Variants in ARHGAP24 observed in about 807,000 individuals in gnomAD.
ARHGAP24 encodes the protein rho GTPase-activating protein 24.
ARHGAP24 carries 50 observed loss-of-function variants against 76.4 expected under a neutral mutation model. The ratio of observed to expected loss-of-function variants is 0.65; its 90% CI spans 0.52 to 0.83. The LOEUF (loss-of-function observed/expected upper bound fraction) is 0.83. Among genes scored for constraint, ARHGAP24 ranks in the 40% least tolerant of loss-of-function variants. ARHGAP24 has a pLI of 0.00. For synonymous variants in ARHGAP24, 345 were observed against 323.3 expected (o/e 1.07, Z -0.72); for missense variants, 930 against 914.2 (o/e 1.02, Z -0.22).
intron 2 of ARHGAP24, among the ~76,000 whole-genome samples, chr4:85,691,166 CT>C (rs1240093546): frequency 1.3e-5 from 2 of 151,788 alleles, no homozygotes; most frequent in African/African-American, 4.8e-5. Flanking sequence ...CAGATATCTT[CT>C]TGATTTTGAT....
intron 3 of ARHGAP24, among the ~76,000 whole-genome samples, chr4:85,840,625 A>G (rs1456538921): frequency 6.6e-6 from 1 of 152,140 alleles, no homozygotes; most frequent in Non-Finnish European, 1.5e-5. Flanking sequence ...TTGGTTCTGT[A>G]TTTTAAAGGG....
At chr4:85,528,133 T>A (rs1401325085) in intron 1 of ARHGAP24, among the ~76,000 whole-genome samples, 1 of 151,692 alleles carries the variant, frequency 6.6e-6, no homozygotes, top group Non-Finnish European at 1.5e-5. Context: ...AGGACTGAAA[T>A]AGAAAGGGAA....
chr4:85,610,470 A>G (rs1323734655), intron 2 of ARHGAP24, among the ~76,000 whole-genome samples: 3 of 150,042 alleles, frequency 2.0e-5, no homozygotes, highest in Non-Finnish European at 3.0e-5. Context: ...AAAAAAAAAA[A>G]AAAAAAAAAA....
At chr4:85,816,998 T>G (rs1337107760) in intron 3 of ARHGAP24, among the ~76,000 whole-genome samples, 2 of 152,226 alleles carry the variant, frequency 1.3e-5, no homozygotes, top group Non-Finnish European at 2.9e-5. Context: ...TGGTTTTGAT[T>G]TACATTTCTT....
chr4:85,833,335 G>A (rs1487938294), intron 3 of ARHGAP24, among the ~76,000 whole-genome samples: 1 of 152,186 alleles, frequency 6.6e-6, no homozygotes, highest in Non-Finnish European at 1.5e-5. Context: ...TTGGTGGGGA[G>A]GAGACAGCTT....
chr4:85,634,882 TCA>T (rs1372898680), intron 2 of ARHGAP24, among the ~76,000 whole-genome samples: 1 of 151,806 alleles, frequency 6.6e-6, no homozygotes. Context: ...TTCTCATTTC[TCA>T]TTTTTTCCTT....
chr4:85,997,398 AGATAGATAGATAGAT>A (rs1381034133), intron 9 of ARHGAP24, among the ~76,000 whole-genome samples: 2 of 143,138 alleles, frequency 1.4e-5, no homozygotes, highest in Non-Finnish European at 1.5e-5. Context: ...ATAGATAGAT[AGATAGATAGATAGAT>A]AATATTTTAC....
Position 85,852,599 on chromosome 4 carries a change from T to C in ARHGAP24, c.269-71049T>C, listed in dbSNP as rs555688922. ...CATCTTTGTTGTTTTTATCTACCTTTGGTCTTTGATGATGGTGACCTACAG... is the reference window on the plus strand; with the variant it reads ...CATCTTTGTTGTTTTTATCTACCTTCGGTCTTTGATGATGGTGACCTACAG... On this transcript the variant is annotated intron_variant, in intron 3 of 9. Coordinates refer to ENST00000395184, the MANE Select transcript of ARHGAP24 (RefSeq NM_001025616.3). 1.3e-4 allele frequency among the ~76,000 whole-genome samples: 20 copies of C among 152,352 alleles called. No homozygotes were observed. The South Asian group carries it at 3.9e-3, about 30-fold the overall frequency.
intron 5 of ARHGAP24, among the ~76,000 whole-genome samples, chr4:85,950,931 G>T (rs184132836): frequency 6.6e-6 from 1 of 151,952 alleles, no homozygotes; most frequent in South Asian, 2.1e-4. Flanking sequence ...CACCCACCTC[G>T]GCCTCCCAAA....
chr4:85,665,252 C>T (rs904221232), intron 2 of ARHGAP24, among the ~76,000 whole-genome samples: 1 of 151,986 alleles, frequency 6.6e-6, no homozygotes, highest in Non-Finnish European at 1.5e-5. Context: ...TGAATTGATC[C>T]CTTTACCATT....
chr4:85,954,805 C>G (rs1737815304), intron 5 of ARHGAP24, among the ~76,000 whole-genome samples: 1 of 152,170 alleles, frequency 6.6e-6, no homozygotes, highest in Admixed American at 6.5e-5. Context: ...GTCGGGAGTT[C>G]AAGACCAGCC....
chr4:85,725,898 G>T (rs1254726263), intron 3 of ARHGAP24, among the ~76,000 whole-genome samples: 1 of 152,144 alleles, frequency 6.6e-6, no homozygotes, highest in Non-Finnish European at 1.5e-5. Flanking sequence ...TGCCCAGCAA[G>T]GTCAGTGGCT....
intron 3 of ARHGAP24, among the ~76,000 whole-genome samples, chr4:85,839,546 G>A (rs1034659052): frequency 1.3e-5 from 2 of 152,110 alleles, no homozygotes; most frequent in African/African-American, 4.8e-5. Context: ...TGCCTCCTGG[G>A]TTCAAGCGAT....
intron 2 of ARHGAP24, among the ~76,000 whole-genome samples, chr4:85,624,197 A>T (rs1185720771): frequency 1.3e-5 from 2 of 152,156 alleles, no homozygotes; most frequent in Non-Finnish European, 2.9e-5. Context: ...GTTTTTGCCC[A>T]TTCAGTATGA....
chr4:85,976,263 T>C (rs1016690211), intron 7 of ARHGAP24, among the ~76,000 whole-genome samples: 2 of 152,210 alleles, frequency 1.3e-5, no homozygotes, highest in Non-Finnish European at 2.9e-5. Flanking sequence ...TTAGGCTGTA[T>C]AACAGTAGTG....
Position 85,493,097 on chromosome 4 carries a change from G to A in ARHGAP24, c.-21+17538G>A, listed in dbSNP as rs186026950. On this transcript the variant is annotated intron_variant, in intron 1 of 9. Transcript: ENST00000395184. The stretch of plus-strand genomic sequence containing the variant: ...TTTGGCAAGAGTACCATAGAATTAG[G>A]GCTGTCCCCTTCTCAGTGCATCATA... Among the ~76,000 whole-genome samples the A allele has an allele frequency of 3.9e-5, 6 of 152,222 alleles. No homozygotes were observed. In the East Asian group the frequency reaches 1.2e-3, roughly 29 times the overall value.
At chr4:85,963,068 T>A (rs1738359481) in intron 5 of ARHGAP24, among the ~76,000 whole-genome samples, 1 of 152,070 alleles carries the variant, frequency 6.6e-6, no homozygotes, top group Non-Finnish European at 1.5e-5. Flanking sequence ...CAATAGAATC[T>A]CTGTAGTTTG....
intron 2 of ARHGAP24, among the ~76,000 whole-genome samples, chr4:85,692,048 G>C (rs79384378): frequency 1.3e-5 from 2 of 152,144 alleles, no homozygotes. Context: ...CTCAGGATTT[G>C]CTTGTCTAAA....
intron 3 of ARHGAP24, among the ~76,000 whole-genome samples, chr4:85,881,974 G>A (rs750527126): frequency 7.9e-5 from 12 of 152,158 alleles, no homozygotes; most frequent in East Asian, 5.8e-4. Flanking sequence ...TTTATATTCC[G>A]TAGTCATATT....
Sources: gnomAD v4.1 joint callset for allele counts (sites outside exome capture counted in the v4.1 genomes callset) on GRCh38, gnomAD v4.1.1 for gene constraint, MANE v1.5 for transcripts, NCBI Gene and HGNC (gene_info 2026-07-23, HGNC 2026-07-21) for gene names.